SCAMP1: variants seen among roughly 807,000 people sequenced by gnomAD.
SCAMP1 encodes the protein secretory carrier-associated membrane protein 1.
SCAMP1 carries 15 observed loss-of-function variants against 41.8 expected under a neutral mutation model. The ratio of observed to expected loss-of-function variants is 0.36; its 90% CI spans 0.24 to 0.55. The LOEUF is 0.55. Ranked by LOEUF, SCAMP1 falls within the 20% of genes least tolerant of loss-of-function variation. The pLI is 0.86. For missense variants in SCAMP1, 341 were observed against 412.6 expected, an observed-to-expected ratio of 0.83 and a Z score of 1.50; for synonymous variants, 135 against 136.8, an observed-to-expected ratio of 0.99 and a Z score of 0.09.
chr5:78,441,367 A>G (rs1245788281), intron 6 of SCAMP1, among the ~76,000 whole-genome samples: 1 of 152,230 alleles, frequency 6.6e-6, no homozygotes, highest in Non-Finnish European at 1.5e-5. Flanking sequence ...TAGTTGATTT[A>G]GGGTTTGAAG....
At chr5:78,432,091 A>T (rs1030312891) in intron 6 of SCAMP1, among the ~76,000 whole-genome samples, 3 of 152,026 alleles carry the variant, frequency 2.0e-5, no homozygotes, top group Admixed American at 2.0e-4. Context: ...TTCATTAACC[A>T]TCTCTACCTC....
intron 6 of SCAMP1, among the ~76,000 whole-genome samples, chr5:78,434,981 T>C (rs1391680271): frequency 2.6e-5 from 4 of 152,222 alleles, no homozygotes; most frequent in African/African-American, 9.6e-5. Flanking sequence ...AAAGGAAATA[T>C]GGATAAATGG....
At chr5:78,400,139 T>C (rs1015985035) in intron 2 of SCAMP1, among the ~76,000 whole-genome samples, 2 of 152,216 alleles carry the variant, frequency 1.3e-5, no homozygotes, top group Non-Finnish European at 2.9e-5. Flanking sequence ...ACTGTTCCAT[T>C]GTACTGCCTT....
At chr5:78,372,929 CT>C (rs5868919) in intron 1 of SCAMP1, among the ~76,000 whole-genome samples, 143,813 of 152,114 alleles carry the variant, frequency 0.95, 68,185 homozygotes, top group Non-Finnish European at 0.97. Flanking sequence ...AGATTCCCAT[CT>C]TTTTTTCTGA....
Position 78,422,208 on chromosome 5 carries a change from C to T in SCAMP1, c.632+248C>T, listed in dbSNP as rs1308839915. 4.0e-5 allele frequency among the ~76,000 whole-genome samples: 6 copies of T among 151,836 alleles called. No homozygotes were observed. The South Asian group carries it at 1.2e-3, about 31-fold the overall frequency. ...AAATTGATGGAAAAATAAGAACAGT[C>T]TTAGAAGTTAATATTTATAAAATAT... is the stretch of plus-strand genomic sequence containing the variant. On this transcript the variant is annotated intron_variant, in intron 6 of 8. Transcript: ENST00000621999.
At position 78,435,540 on chromosome 5, in the gene SCAMP1, G is replaced by A. The variant is rs528485367; in HGVS notation, c.632+13580G>A. Among the ~76,000 whole-genome samples the A allele has an allele frequency of 9.2e-5, 14 of 152,250 alleles. No homozygotes were observed. The South Asian group carries it at 1.9e-3, about 20-fold the overall frequency. ...AGTTTCCAGCTTCATCCATGTCCCCGCAAAGGACATGAACTCATCCTCTTT... is the reference window on the plus strand; with the variant it reads ...AGTTTCCAGCTTCATCCATGTCCCCACAAAGGACATGAACTCATCCTCTTT... On this transcript the variant is annotated intron_variant, in intron 6 of 8. Transcript: ENST00000621999.
intron 2 of SCAMP1, among the ~76,000 whole-genome samples, chr5:78,391,182 G>A (rs1266439309): frequency 3.4e-4 from 49 of 143,786 alleles, no homozygotes; most frequent in South Asian, 9.0e-4. Context: ...CCTCCCAGAC[G>A]GGGTGGTGGC....
intron 5 of SCAMP1, among the ~76,000 whole-genome samples, chr5:78,421,572 A>C (rs1187573332): frequency 6.6e-6 from 1 of 152,224 alleles, no homozygotes; most frequent in African/African-American, 2.4e-5. Flanking sequence ...GAGAGGGCCA[A>C]CAGAATTTTT....
chr5:78,401,449 C>T (rs755259702), intron 2 of SCAMP1, among the ~76,000 whole-genome samples: 2 of 152,030 alleles, frequency 1.3e-5, no homozygotes, highest in African/African-American at 4.8e-5. Flanking sequence ...CCAGTGGATC[C>T]GTCTGGGCCT....
intron 6 of SCAMP1, among the ~76,000 whole-genome samples, chr5:78,434,422 AC>A (rs965539281): frequency 1.9e-4 from 29 of 152,292 alleles, no homozygotes; most frequent in African/African-American, 6.7e-4. Flanking sequence ...CCACTTTTCT[AC>A]GTCCTAAGCT....
rs560985050 is a variant in SCAMP1 at position 78,465,764 on chromosome 5, C to G, written c.852+6402C>G. Among the ~76,000 whole-genome samples, 12 of 152,290 alleles carry G rather than the reference C, an allele frequency of 7.9e-5. No individual in the cohort carries two copies. In the East Asian group the frequency reaches 2.3e-3, roughly 29 times the overall value. On this transcript the variant is annotated intron_variant, in intron 8 of 8. Coordinates refer to ENST00000621999, the MANE Select transcript of SCAMP1 (RefSeq NM_004866.6). ...GAAAAGGTTAATTGCGGGGAATTGGCTGGTGAGGTCAGTCTGATATCAAGA... is the reference window on the plus strand; with the variant it reads ...GAAAAGGTTAATTGCGGGGAATTGGGTGGTGAGGTCAGTCTGATATCAAGA...
At chr5:78,430,637 A>G (rs1193473983) in intron 6 of SCAMP1, among the ~76,000 whole-genome samples, 3 of 152,028 alleles carry the variant, frequency 2.0e-5, no homozygotes, top group Non-Finnish European at 2.9e-5. Flanking sequence ...TTTAGAGTCT[A>G]CAAATCATGT....
chr5:78,380,287 GAT>G (rs1463535328), intron 1 of SCAMP1, among the ~76,000 whole-genome samples: 10 of 152,186 alleles, frequency 6.6e-5, no homozygotes, highest in Non-Finnish European at 1.5e-4. Context: ...GAATTTTGCT[GAT>G]ATTTCTTTGG....
At chr5:78,459,827 A>G (rs1297875257) in intron 8 of SCAMP1, among the ~76,000 whole-genome samples, 1 of 152,104 alleles carries the variant, frequency 6.6e-6, no homozygotes, top group Non-Finnish European at 1.5e-5. Flanking sequence ...GTTATGTTGC[A>G]TAATGCTGGG....
Position 78,460,804 on chromosome 5 carries a change from CCTCCCTTCCTTCCTTCCTTT to C in SCAMP1, c.852+1445_852+1464del, listed in dbSNP as rs1753581224. On this transcript the variant is annotated intron_variant, in intron 8 of 8. Transcript: ENST00000621999. ...TCCTTCCTTCCTTCCTTCCTTCCTT[CCTCCCTTCCTTCCTTCCTTT>C]CTTGTCTTTCCTCTATCTGTCTCTC... Among the ~76,000 whole-genome samples the C allele has an allele frequency of 6.5e-4, 16 of 24,716 alleles. 1 individual carries two copies. Among genetic ancestry groups the C allele is most frequent in the African/African-American group, 1.9e-3 (15 of 7,800 alleles). 16.2% of individuals were successfully genotyped at this position (24,716 alleles called of 152,430 possible).
intron 8 of SCAMP1, among the ~76,000 whole-genome samples, chr5:78,461,212 C>T (rs1011588015): frequency 6.6e-6 from 1 of 152,084 alleles, no homozygotes; most frequent in Non-Finnish European, 1.5e-5. Context: ...TGTTTGTGTT[C>T]CATTTGCTAT....
intron 7 of SCAMP1, among the ~76,000 whole-genome samples, chr5:78,452,068 G>A (rs1215660899): frequency 6.6e-6 from 1 of 152,166 alleles, no homozygotes; most frequent in East Asian, 1.9e-4. Context: ...TACAAATAAA[G>A]CTGCCATGAA....
At chr5:78,361,863 T>G (rs1750662408) in intron 1 of SCAMP1, among the ~76,000 whole-genome samples, 1 of 152,240 alleles carries the variant, frequency 6.6e-6, no homozygotes, top group Non-Finnish European at 1.5e-5. Flanking sequence ...TATCTTTCAT[T>G]AAGAATCCTG....
intron 1 of SCAMP1, among the ~76,000 whole-genome samples, chr5:78,383,065 A>G (rs563139116): frequency 6.6e-6 from 1 of 152,324 alleles, no homozygotes; most frequent in South Asian, 2.1e-4. Flanking sequence ...ATTTTCACCA[A>G]CAGTGTAAAA....
Sources: allele counts gnomAD v4.1 joint callset (sites outside exome capture counted in the v4.1 genomes callset), GRCh38; gene constraint gnomAD v4.1.1; transcripts MANE v1.5; gene names NCBI Gene and HGNC (gene_info 2026-07-23, HGNC 2026-07-21).